Variants in DSG2 observed in about 807,000 individuals in gnomAD.
The protein encoded by DSG2 is desmoglein-2.
Under a neutral mutation model 75.6 loss-of-function variants are expected in DSG2, and 45 were observed. That is an observed-to-expected ratio of 0.60 (90% CI 0.47 to 0.76). The LOEUF is 0.76. DSG2 is among the 30% of genes least tolerant of loss of function. DSG2 has a pLI of 0.00. For synonymous variants in DSG2, 429 were observed against 483.9 expected, an observed-to-expected ratio of 0.89 and a Z score of 1.49; for missense variants, 1,267 against 1,357.4, an observed-to-expected ratio of 0.93 and a Z score of 1.05.
chr18:31,512,466 G>T (rs1454842670), intron 1 of DSG2, among the ~76,000 whole-genome samples: 1 of 152,226 alleles, frequency 6.6e-6, no homozygotes, highest in African/African-American at 2.4e-5. Context: ...ACTACAGTCT[G>T]GTCTCTATAC....
At chr18:31,530,310 A>G (rs1295516906) in intron 8 of DSG2, among the ~76,000 whole-genome samples, 1 of 152,238 alleles carries the variant, frequency 6.6e-6, no homozygotes, top group African/African-American at 2.4e-5. Context: ...ATAAACCCAT[A>G]GAACACATTT....
chr18:31,541,286 A>G lies in DSG2; in HGVS notation c.1973A>G (p.Asn658Ser). The G allele has an allele frequency of 6.2e-7, 1 of 1,614,134 alleles. No individual in the cohort carries two copies. The highest frequency in any genetic ancestry group is 1.1e-5 in the South Asian group (1 of 91,086). The change falls in exon 13 of 15, where the codon AAT becomes AGT. Residue 658 changes from asparagine (N) to serine (S), a missense_variant. Coordinates refer to ENST00000261590, the MANE Select transcript of DSG2 (RefSeq NM_001943.5). Reference protein sequence around the residue: ...PGTIEMLHPWNNEGAPPEDKV... With the variant: ...PGTIEMLHPWSNEGAPPEDKV... ...ACCATAGAGATGCTGCATCCTTGGA[A>G]TAATGAAGGAGCACCACCTGAAGAC...
Position 31,545,802 on chromosome 18 carries a change from T to A in DSG2, c.2416T>A (p.Ser806Thr). Residue 806 changes from serine (S) to threonine (T), a missense_variant, in exon 15 of 15, where the codon TCG (serine) becomes ACG (threonine). By Grantham distance (58) the Ser-to-Thr change is moderately conservative. Transcript: ENST00000261590. ...LLVYSQEETE[S>T]LNASIGCCSF... ...GGTTTATTCTCAGGAAGAAACTGAATCGCTGAATGCTTCTATTGGTTGTTG... is the reference window on the plus strand; with the variant it reads ...GGTTTATTCTCAGGAAGAAACTGAAACGCTGAATGCTTCTATTGGTTGTTG... 1 of 1,614,220 alleles carries A rather than the reference T, an allele frequency of 6.2e-7. No homozygotes were observed.
chr18:31,522,942 C>T (rs569534391), intron 6 of DSG2, among the ~76,000 whole-genome samples: 1 of 152,230 alleles, frequency 6.6e-6, no homozygotes, highest in East Asian at 1.9e-4. Flanking sequence ...TTATTTCTAA[C>T]TGAAAGGGAA....
Position 31,546,849 on chromosome 18 carries a change from T to A in DSG2, c.*106T>A. The A allele has an allele frequency of 8.0e-7, 1 of 1,246,130 alleles. No individual in the cohort carries two copies. The highest frequency in any genetic ancestry group is 1.2e-6 in the Non-Finnish European group (1 of 852,782). 77.2% of individuals were successfully genotyped at this position (1,246,130 alleles called of 1,614,324 possible). On this transcript the variant is annotated 3_prime_UTR_variant, in exon 15 of 15. Coordinates refer to ENST00000261590, the MANE Select transcript of DSG2 (RefSeq NM_001943.5). Reference sequence around the variant, plus strand: ...AGCCTTACAGACACACAGAGACACATACACATTGATCTTAAAATTTTTCTC... The same window carrying A: ...AGCCTTACAGACACACAGAGACACAAACACATTGATCTTAAAATTTTTCTC...
Position 31,542,528 on chromosome 18 carries a change from A to C in DSG2, c.2010A>C (p.Pro670=). 6.2e-7 allele frequency: 1 copy of C among 1,613,912 alleles called. No homozygotes were observed. Among genetic ancestry groups the C allele is most frequent in the Non-Finnish European group, 8.5e-7 (1 of 1,180,006 alleles). Residue 670 remains proline, a synonymous_variant, in exon 14 of 15, where the codon CCA becomes CCC. Transcript: ENST00000261590. ...EGAPPEDKVV[P]SFLPVDQGGS... is the part of the protein sequence containing the mutation. ...TGTGTTTGCTCTCACAGGTGGTGCCATCATTTCTGCCAGTGGATCAAGGGG... is the reference window on the plus strand; with the variant it reads ...TGTGTTTGCTCTCACAGGTGGTGCCCTCATTTCTGCCAGTGGATCAAGGGG...
At chr18:31,500,182 T>G (rs528809995) in intron 1 of DSG2, among the ~76,000 whole-genome samples, 10 of 152,318 alleles carry the variant, frequency 6.6e-5, no homozygotes, top group African/African-American at 2.2e-4. Context: ...CTCTAGCTAT[T>G]TAAAGCAAGA....
chr18:31,502,319 A>G (rs1036058317), intron 1 of DSG2, among the ~76,000 whole-genome samples: 1 of 152,240 alleles, frequency 6.6e-6, no homozygotes, highest in African/African-American at 2.4e-5. Context: ...TAATTGTCAG[A>G]CAAGTGTAAG....
rs376556524 is a variant in DSG2 at position 31,521,096 on chromosome 18, C to T, written c.379-3C>T. 1.1e-5 allele frequency: 17 copies of T among 1,613,622 alleles called. No individual in the cohort carries two copies. The African/African-American group carries it at 2.0e-4, about 19-fold the overall frequency. ...TCTAATCTTATTTATGTCATGATTT[C>T]AGCTAACAGGTTACGCTTTGGATGC... is the stretch of plus-strand genomic sequence containing the variant. On this transcript the variant is annotated splice_polypyrimidine_tract_variant and splice_region_variant and intron_variant, in intron 4 of 14. Transcript: ENST00000261590.
chr18:31,506,119 G>A (rs964386215), intron 1 of DSG2, among the ~76,000 whole-genome samples: 12 of 152,022 alleles, frequency 7.9e-5, no homozygotes, highest in South Asian at 4.1e-4. Context: ...TTGAATATCC[G>A]CTGTGTGCCA....
Position 31,503,254 on chromosome 18 carries a change from T to C in DSG2, c.45+4958T>C, listed in dbSNP as rs1225770064. ...TGGCTAACTTCCAAATGGGTAACGATAAGAAGAGTAATAATAGAGAAACGT... is the reference window on the plus strand; with the variant it reads ...TGGCTAACTTCCAAATGGGTAACGACAAGAAGAGTAATAATAGAGAAACGT... On this transcript the variant is annotated intron_variant, in intron 1 of 14. Coordinates refer to ENST00000261590, the MANE Select transcript of DSG2 (RefSeq NM_001943.5). Among the ~76,000 whole-genome samples the C allele has an allele frequency of 2.0e-5, 3 of 152,114 alleles. No homozygotes were observed. The East Asian group carries it at 5.8e-4, about 29-fold the overall frequency.
intron 1 of DSG2, among the ~76,000 whole-genome samples, chr18:31,500,971 G>A (rs1410834244): frequency 6.6e-6 from 1 of 152,162 alleles, no homozygotes; most frequent in African/African-American, 2.4e-5. Context: ...ACAGTAGTGT[G>A]AGCAGTAGCT....
intron 1 of DSG2, among the ~76,000 whole-genome samples, chr18:31,513,649 G>A (rs1246059174): frequency 1.3e-5 from 2 of 152,182 alleles, no homozygotes; most frequent in Non-Finnish European, 2.9e-5. Context: ...TTACAGATAA[G>A]GAAATTCAGA....
At chr18:31,498,488 C>A (rs183503413) in intron 1 of DSG2, among the ~76,000 whole-genome samples, 192 bp downstream of exon 1, 1 of 152,184 alleles carries the variant, frequency 6.6e-6, no homozygotes, top group Non-Finnish European at 1.5e-5. Context: ...GGAAAATCCT[C>A]TTGGCTGGAG....
At chr18:31,539,347 T>C (rs1418893605) in intron 12 of DSG2, among the ~76,000 whole-genome samples, 1 of 152,200 alleles carries the variant, frequency 6.6e-6, no homozygotes, top group Non-Finnish European at 1.5e-5. Context: ...AAAAAAGATG[T>C]GTTGCATGAC....
intron 1 of DSG2, among the ~76,000 whole-genome samples, chr18:31,504,086 A>G (rs1282948021): frequency 6.6e-6 from 1 of 152,136 alleles, no homozygotes; most frequent in African/African-American, 2.4e-5. Context: ...ACATTCGTCC[A>G]CTCAACAAAT....
intron 9 of DSG2, among the ~76,000 whole-genome samples, chr18:31,533,566 G>A (rs2073210618): frequency 6.6e-6 from 1 of 152,184 alleles, no homozygotes; most frequent in Non-Finnish European, 1.5e-5. Flanking sequence ...TTACAACAGA[G>A]AACAGAAGAT....
chr18:31,519,807 T>C lies in DSG2; in HGVS notation c.86T>C (p.Leu29Ser), dbSNP rs786205361. Residue 29 changes from leucine to serine, a missense_variant, in exon 3 of 15, where the codon TTA becomes TCA. By Grantham distance (145) the Leu-to-Ser change is moderately radical. Coordinates refer to ENST00000261590, the MANE Select transcript of DSG2 (RefSeq NM_001943.5). ...NVGSGLHLQV[L>S]STRNENKLLP... The stretch of plus-strand genomic sequence containing the variant: ...GGCAATATTCTATTGTTATAGGTCT[T>C]AAGCACAAGAAATGAAAATAAGCTG... 9.3e-6 allele frequency: 15 copies of C among 1,614,080 alleles called. No homozygotes were observed. In the African/African-American group the frequency reaches 1.5e-4, roughly 16 times the overall value.
Position 31,542,803 on chromosome 18 carries a change from C to T in DSG2, c.2285C>T (p.Ala762Val), listed in dbSNP as rs2073277854. ...GASRDMAGAQ[A>V]AAVALNEEFL... ...TCCAGAGACATGGCCGGAGCTCAGGCAGCTGCTGTTGCACTGAACGAAGAA... is the reference window on the plus strand; with the variant it reads ...TCCAGAGACATGGCCGGAGCTCAGGTAGCTGCTGTTGCACTGAACGAAGAA... Residue 762 changes from alanine (A) to valine (V), a missense_variant, in exon 14 of 15, where the codon GCA (alanine) becomes GTA (valine). By Grantham distance (64) the Ala-to-Val change is moderately conservative (BLOSUM62 0). Transcript: ENST00000261590. The T allele has an allele frequency of 6.3e-7, 1 of 1,596,542 alleles. No individual in the cohort carries two copies. Among genetic ancestry groups the T allele is most frequent in the Non-Finnish European group, 8.5e-7 (1 of 1,173,876 alleles).
Sources: allele counts gnomAD v4.1 joint callset (sites outside exome capture counted in the v4.1 genomes callset), GRCh38; gene constraint gnomAD v4.1.1; transcripts MANE v1.5; gene names NCBI Gene and HGNC (gene_info 2026-07-23, HGNC 2026-07-21).